TPRG1: variants seen among roughly 807,000 people sequenced by gnomAD.
TPRG1 encodes the protein tumor protein p63 regulated 1.
TPRG1 carries 29 observed loss-of-function variants against 29.3 expected under a neutral mutation model. The observed-to-expected ratio is 0.99, with a 90% CI of 0.74 to 1.35. TPRG1 has a LOEUF of 1.35. TPRG1 is among the 40% of genes most tolerant of loss of function. The pLI is 0.00. For missense variants in TPRG1, 327 were observed against 335.0 expected (o/e 0.98, Z 0.19); for synonymous variants, 130 against 116.8 (o/e 1.11, Z -0.73).
At chr3:189,002,586 G>T (rs1461533343) in intron 2 of TPRG1, among the ~76,000 whole-genome samples, 2 of 152,118 alleles carry the variant, frequency 1.3e-5, no homozygotes. Flanking sequence ...TTTATATGCA[G>T]CATCCCAAAT....
At chr3:189,248,753 A>T (rs1167563455) in intron 4 of TPRG1, among the ~76,000 whole-genome samples, 1 of 151,076 alleles carries the variant, frequency 6.6e-6, no homozygotes, top group Non-Finnish European at 1.5e-5. Context: ...TTTGTTATTA[A>T]TTTATAGTTT....
intron 4 of TPRG1, among the ~76,000 whole-genome samples, chr3:189,241,425 A>AT (rs796141081): frequency 1.5e-3 from 221 of 148,144 alleles, no homozygotes; most frequent in Non-Finnish European, 1.9e-3. Flanking sequence ...ACTATAGCCC[A>AT]TTTTTTTTTT....
intron 3 of TPRG1, among the ~76,000 whole-genome samples, chr3:189,018,376 A>T (rs1460882635): frequency 1.3e-5 from 2 of 149,620 alleles, no homozygotes; most frequent in African/African-American, 4.9e-5. Context: ...CTAACGTTTA[A>T]GTCTTTAATC....
chr3:189,230,496 C>G (rs748548941), intron 3 of TPRG1, among the ~76,000 whole-genome samples: 4 of 152,234 alleles, frequency 2.6e-5, no homozygotes, highest in Non-Finnish European at 5.9e-5. Flanking sequence ...TCCCTCCACT[C>G]TCTTTGCTCT....
chr3:189,106,429 C>T (rs772687593), intron 1 of TPRG1, among the ~76,000 whole-genome samples: 1 of 152,084 alleles, frequency 6.6e-6, no homozygotes, highest in Non-Finnish European at 1.5e-5. Context: ...AATTGGGTCA[C>T]CCATCATAAT....
At chr3:189,257,304 CT>C (rs1560613631) in intron 4 of TPRG1, among the ~76,000 whole-genome samples, 2 of 152,160 alleles carry the variant, frequency 1.3e-5, no homozygotes, top group Non-Finnish European at 2.9e-5. Context: ...GTTGAAAATT[CT>C]TTTCTTTAAG....
chr3:189,144,657 C>T (rs1436986626), intron 3 of TPRG1, among the ~76,000 whole-genome samples: 1 of 152,136 alleles, frequency 6.6e-6, no homozygotes, highest in Non-Finnish European at 1.5e-5. Flanking sequence ...CTGGTTTTTG[C>T]TGAAATTTTG....
chr3:189,288,541 A>T (rs923552109), intron 4 of TPRG1, among the ~76,000 whole-genome samples: 1 of 152,214 alleles, frequency 6.6e-6, no homozygotes, highest in African/African-American at 2.4e-5. Flanking sequence ...CAGCTTTGTA[A>T]ATGACCTTGG....
intron 4 of TPRG1, among the ~76,000 whole-genome samples, chr3:189,026,739 C>G (rs1713682405): frequency 6.6e-6 from 1 of 152,092 alleles, no homozygotes; most frequent in Admixed American, 6.6e-5. Context: ...GGGAGGACAG[C>G]TAAGAGACAC....
chr3:189,246,711 A>C (rs1015932828), intron 4 of TPRG1, among the ~76,000 whole-genome samples: 1 of 152,108 alleles, frequency 6.6e-6, no homozygotes, highest in Admixed American at 6.6e-5. Flanking sequence ...TCTTTCTGAA[A>C]ATACTTTTAT....
intron 3 of TPRG1, among the ~76,000 whole-genome samples, chr3:189,145,331 C>T (rs1044103492): frequency 2.9e-5 from 4 of 138,222 alleles, no homozygotes; most frequent in Non-Finnish European, 4.6e-5. Flanking sequence ...CAGTGCACTC[C>T]AGCCTGGCAA....
At chr3:189,101,867 G>A (rs1719243124) in intron 1 of TPRG1, among the ~76,000 whole-genome samples, 1 of 151,958 alleles carries the variant, frequency 6.6e-6, no homozygotes, top group African/African-American at 2.4e-5. Flanking sequence ...TTGGTGTGCT[G>A]CATGATCAGA....
At chr3:189,115,306 C>T (rs905829278) in intron 1 of TPRG1, among the ~76,000 whole-genome samples, 1 of 152,168 alleles carries the variant, frequency 6.6e-6, no homozygotes, top group Non-Finnish European at 1.5e-5. Flanking sequence ...AACATATTGG[C>T]GCATGGACTG....
intron 1 of TPRG1, among the ~76,000 whole-genome samples, chr3:189,200,838 GTCT>G (rs1410940918): frequency 6.6e-6 from 1 of 152,152 alleles, no homozygotes; most frequent in African/African-American, 2.4e-5. Flanking sequence ...GAAAGTCTGT[GTCT>G]TCTTCAAGAT....
chr3:189,236,089 A>C (rs1442442258), intron 3 of TPRG1, among the ~76,000 whole-genome samples: 3 of 152,228 alleles, frequency 2.0e-5, no homozygotes, highest in Non-Finnish European at 4.4e-5. Flanking sequence ...ATGTCTAAAT[A>C]AATCAATACA....
intron 3 of TPRG1, among the ~76,000 whole-genome samples, chr3:189,237,275 A>G (rs1234749821): frequency 6.6e-6 from 1 of 152,026 alleles, no homozygotes; most frequent in African/African-American, 2.4e-5. Flanking sequence ...TGGAACACAC[A>G]TACACACACA....
intron 4 of TPRG1, among the ~76,000 whole-genome samples, chr3:189,275,714 G>A (rs1042729843): frequency 6.6e-6 from 1 of 152,098 alleles, no homozygotes; most frequent in Non-Finnish European, 1.5e-5. Context: ...TAAAATGTTT[G>A]TATTTTCTTG....
chr3:189,155,826 G>A (rs1037775306), intron 5 of TPRG1, among the ~76,000 whole-genome samples: 2 of 152,148 alleles, frequency 1.3e-5, no homozygotes, highest in African/African-American at 4.8e-5. Context: ...GTTAGCAGGG[G>A]TTGGAGGGTG....
At chr3:189,170,137 C>A (rs1728640015), upstream of TPRG1, among the ~76,000 whole-genome samples, 1 of 152,198 alleles carries the variant, frequency 6.6e-6, no homozygotes, top group Non-Finnish European at 1.5e-5. Context: ...TCCAGCATGT[C>A]TCCACTCCTC....
Sources: allele counts gnomAD v4.1 joint callset (sites outside exome capture counted in the v4.1 genomes callset), GRCh38; gene constraint gnomAD v4.1.1; transcripts MANE v1.5; gene names NCBI Gene and HGNC (gene_info 2026-07-23, HGNC 2026-07-21).